The following B4GALT5 variants were observed in gnomAD, a reference collection of about 807,000 sequenced individuals.
The protein encoded by B4GALT5 is UDP-Gal:beta-GlcNAc beta-1,4-galactosyltransferase 5.
B4GALT5 carries 11 observed loss-of-function variants against 45.0 expected under a neutral mutation model. That is an observed-to-expected ratio of 0.24 (90% confidence interval 0.15 to 0.40). The LOEUF is 0.40. Ranked by LOEUF, B4GALT5 falls within the 10% of genes least tolerant of loss-of-function variation. The pLI is 1.00. For synonymous variants in B4GALT5, 185 were observed against 182.9 expected, an observed-to-expected ratio of 1.01 and a Z score of -0.09; for missense variants, 337 against 500.2, an observed-to-expected ratio of 0.67 and a Z score of 3.11.
At chr20:49,685,991 G>T (rs1293404642) in intron 1 of B4GALT5, among the ~76,000 whole-genome samples, 1 of 151,938 alleles carries the variant, frequency 6.6e-6, no homozygotes, top group Non-Finnish European at 1.5e-5. Context: ...AGCTGCTGCT[G>T]TAACATCTCC....
chr20:49,702,196 T>C (rs2085864881), intron 1 of B4GALT5, among the ~76,000 whole-genome samples: 1 of 151,952 alleles, frequency 6.6e-6, no homozygotes, highest in Non-Finnish European at 1.5e-5. Context: ...TCTAAATAAA[T>C]GAATAAAGAC....
Position 49,633,361 on chromosome 20 carries a change from C to G in B4GALT5, c.*2951G>C, listed in dbSNP as rs1194288658. On this transcript the variant is annotated 3_prime_UTR_variant, in exon 9 of 9. Coordinates refer to ENST00000371711, the MANE Select transcript of B4GALT5 (RefSeq NM_004776.4). ...TTTCCCTGCACACAGCAATCAAAGA[C>G]AAGATTAAGGGGCCACCCATCAGTA... 7.6e-6 allele frequency: 1 copy of G among 130,886 alleles called. No individual in the cohort carries two copies. The highest frequency in any genetic ancestry group is 2.8e-5 in the African/African-American group (1 of 35,096). The allele number at this position is 130,886 out of a possible 1,614,324, so 8.1% of individuals were successfully genotyped here.
chr20:49,658,428 T>C (rs2085652031), intron 1 of B4GALT5, among the ~76,000 whole-genome samples: 1 of 152,194 alleles, frequency 6.6e-6, no homozygotes. Flanking sequence ...TGCAGTATGT[T>C]CCCACTGCCC....
chr20:49,643,714 G>T, intron 3 of B4GALT5, 64 bp from the exon 4 acceptor site: 2 of 1,563,206 alleles, frequency 1.3e-6, no homozygotes, highest in Middle Eastern at 1.7e-4. Context: ...TATGCCTGGG[G>T]TTTTAGTCTC....
intron 2 of B4GALT5, among the ~76,000 whole-genome samples, chr20:49,647,647 C>G (rs958433804): frequency 5.3e-5 from 8 of 152,190 alleles, no homozygotes; most frequent in Admixed American, 5.2e-4. Context: ...TACTAGTCGT[C>G]GCTGAGAAAT....
intron 1 of B4GALT5, among the ~76,000 whole-genome samples, chr20:49,663,491 G>C (rs1053013874): frequency 2.0e-5 from 3 of 150,182 alleles, no homozygotes; most frequent in Non-Finnish European, 3.0e-5. Context: ...TAAAAATGAA[G>C]GGGTAGGACT....
chr20:49,636,303 T>C lies in B4GALT5; in HGVS notation c.*9A>G, dbSNP rs773905244. The C allele has an allele frequency of 8.1e-6, 13 of 1,613,850 alleles. No homozygotes were observed. Among genetic ancestry groups the C allele is most frequent in the Non-Finnish European group, 1.0e-5 (12 of 1,179,890 alleles). On this transcript the variant is annotated 3_prime_UTR_variant, in exon 9 of 9. Transcript: ENST00000371711. ...GGCGGTGGGTAAAGCAAACGTACAT[T>C]CTCTCCTCTCAGTACTCGTTCACCT...
rs1555812124 is a variant in B4GALT5 at position 49,663,690 on chromosome 20, A to AAAAT, written c.116-6989_116-6988insATTT. Among the ~76,000 whole-genome samples the AAAAT allele has an allele frequency of 5.1e-4, 49 of 96,936 alleles. 5 individuals carry two copies. The highest frequency in any genetic ancestry group is 1.3e-3 in the African/African-American group (30 of 22,428). 63.6% of individuals were successfully genotyped at this position (96,936 alleles called of 152,430 possible). On this transcript the variant is annotated intron_variant, in intron 1 of 8. Coordinates refer to ENST00000371711, the MANE Select transcript of B4GALT5 (RefSeq NM_004776.4). ...TTCATCTCAAGAAAAAAAAAAAAAA[A>AAAAT]ATATATACATATATATATATATATA...
intron 2 of B4GALT5, among the ~76,000 whole-genome samples, chr20:49,651,692 C>CT (rs2085623544): frequency 6.6e-6 from 1 of 152,222 alleles, no homozygotes; most frequent in South Asian, 2.1e-4. Context: ...ACCAACATTT[C>CT]TGTCCAACAG....
At position 49,642,510 on chromosome 20, in the gene B4GALT5, G is replaced by C. The variant is rs755039225; in HGVS notation, c.564C>G (p.Leu188=). The C allele has an allele frequency of 2.5e-6, 4 of 1,614,066 alleles. No homozygotes were observed. The highest frequency in any genetic ancestry group is 1.1e-5 in the South Asian group (1 of 91,080). ...PVLFRHLLPM[L]QRQRLQFAFY... Reference sequence around the variant, plus strand: ...ATGCAAACTGCAAGCGCTGGCGCTGGAGCATGGGAAGCAGGTGTCTGAACA... The same window carrying C: ...ATGCAAACTGCAAGCGCTGGCGCTGCAGCATGGGAAGCAGGTGTCTGAACA... Residue 188 remains leucine (L), a synonymous_variant, in exon 5 of 9, where the codon CTC becomes CTG. Coordinates refer to ENST00000371711, the MANE Select transcript of B4GALT5 (RefSeq NM_004776.4).
intron 2 of B4GALT5, among the ~76,000 whole-genome samples, chr20:49,651,809 T>C (rs753571963): frequency 6.6e-6 from 1 of 152,154 alleles, no homozygotes; most frequent in Non-Finnish European, 1.5e-5. Flanking sequence ...CCGGGTGTGG[T>C]GGCTCATGCC....
At chr20:49,669,937 C>CTTCTG (rs1277030566) in intron 1 of B4GALT5, among the ~76,000 whole-genome samples, 2 of 152,184 alleles carry the variant, frequency 1.3e-5, no homozygotes, top group African/African-American at 4.8e-5. Context: ...TAAAAATGCT[C>CTTCTG]ATACCTTCTG....
intron 1 of B4GALT5, among the ~76,000 whole-genome samples, chr20:49,666,849 T>C (rs2085692842): frequency 6.6e-6 from 1 of 152,194 alleles, no homozygotes; most frequent in African/African-American, 2.4e-5. Context: ...AAGCAGATGA[T>C]CAGTGTTCAC....
At chr20:49,708,002 G>A (rs1358082224) in intron 1 of B4GALT5, among the ~76,000 whole-genome samples, 19 of 150,820 alleles carry the variant, frequency 1.3e-4, no homozygotes, top group African/African-American at 4.2e-4. Context: ...GGCTTTGGTG[G>A]GCGTATCATC....
intron 1 of B4GALT5, among the ~76,000 whole-genome samples, chr20:49,669,871 C>T (rs945801691): frequency 1.8e-5 from 2 of 114,014 alleles, no homozygotes; most frequent in Non-Finnish European, 3.7e-5. Context: ...TGCTGGTGTT[C>T]GTGCAGACTG....
At chr20:49,705,810 A>G (rs929276442) in intron 1 of B4GALT5, among the ~76,000 whole-genome samples, 1 of 152,136 alleles carries the variant, frequency 6.6e-6, no homozygotes, top group African/African-American at 2.4e-5. Context: ...TTATTGGTAA[A>G]GTCAGACAGG....
chr20:49,696,483 T>A (rs1351611977), intron 1 of B4GALT5, among the ~76,000 whole-genome samples: 3 of 152,192 alleles, frequency 2.0e-5, no homozygotes, highest in African/African-American at 7.2e-5. Flanking sequence ...CTTTCAAGAA[T>A]CCCTTGCCAG....
chr20:49,668,826 C>A (rs1395992040), intron 1 of B4GALT5, among the ~76,000 whole-genome samples: 2 of 152,034 alleles, frequency 1.3e-5, no homozygotes, highest in Admixed American at 6.6e-5. Flanking sequence ...CCCACTGACA[C>A]CTCCTCTGTA....
At chr20:49,667,593 T>A (rs1380423988) in intron 1 of B4GALT5, among the ~76,000 whole-genome samples, 3 of 152,042 alleles carry the variant, frequency 2.0e-5, no homozygotes, top group African/African-American at 7.2e-5. Context: ...TCACTCAGGC[T>A]GGAGTGCAGT....
Sources: allele counts gnomAD v4.1 joint callset (sites outside exome capture counted in the v4.1 genomes callset), GRCh38; gene constraint gnomAD v4.1.1; transcripts MANE v1.5; gene names NCBI Gene and HGNC (gene_info 2026-07-23, HGNC 2026-07-21).